The following CLEC2A variants were observed in gnomAD, a reference collection of about 807,000 sequenced individuals.
CLEC2A encodes keratinocyte-associated C-type lectin.
Under a neutral mutation model 18.6 loss-of-function variants are expected in CLEC2A, and 19 were observed. The observed-to-expected ratio is 1.02, with a 90% CI of 0.71 to 1.50. The LOEUF (loss-of-function observed/expected upper bound fraction) is 1.50. CLEC2A is among the 40% of genes most tolerant of loss of function. CLEC2A has a pLI of 0.00. For missense variants in CLEC2A, 190 were observed against 207.9 expected (o/e 0.91, Z 0.53); for synonymous variants, 74 against 64.0 (o/e 1.16, Z -0.75).
chr12:9,899,706 C>T (rs1048843470), intron 4 of CLEC2A, among the ~76,000 whole-genome samples: 2 of 152,190 alleles, frequency 1.3e-5, no homozygotes, highest in African/African-American at 4.8e-5. Context: ...ATGTCTCTTT[C>T]CCACCTACTG....
At chr12:9,889,577 T>C in the CLEC2A span, among the ~76,000 whole-genome samples, 4,360 of 152,126 alleles carry the variant, frequency 0.029, 97 homozygotes, top group Middle Eastern at 0.054. Context: ...ATTCTGTGCG[T>C]TTTGGACTTG....
chr12:9,881,234 TTA>T, the CLEC2A span, among the ~76,000 whole-genome samples: 1 of 144,938 alleles, frequency 6.9e-6, no homozygotes, highest in African/African-American at 2.9e-5. Context: ...TTGTTTTATT[TTA>T]TTTTTTCTCT....
chr12:9,921,826 A>G (rs1163744046), intron 3 of CLEC2A, among the ~76,000 whole-genome samples: 1 of 152,186 alleles, frequency 6.6e-6, no homozygotes, highest in African/African-American at 2.4e-5. Context: ...AAGACATCGT[A>G]AAAGTCTTCA....
intron 2 of CLEC2A, among the ~76,000 whole-genome samples, chr12:9,924,546 A>C (rs1863234372): frequency 6.6e-6 from 1 of 151,792 alleles, no homozygotes; most frequent in African/African-American, 2.4e-5. Context: ...ATGCATATGG[A>C]AAATCAAGTG....
intron 3 of CLEC2A, among the ~76,000 whole-genome samples, chr12:9,917,230 A>G (rs1863087370): frequency 6.6e-6 from 1 of 152,096 alleles, no homozygotes; most frequent in Non-Finnish European, 1.5e-5. Context: ...TTTAACTTTT[A>G]TTTTAGGTTC....
chr12:9,899,542 A>G (rs1862797041), intron 4 of CLEC2A, among the ~76,000 whole-genome samples: 1 of 152,210 alleles, frequency 6.6e-6, no homozygotes, highest in South Asian at 2.1e-4. Flanking sequence ...TACCCAGGGT[A>G]TGTGAGGGAG....
intron 1 of CLEC2A, among the ~76,000 whole-genome samples, chr12:9,931,650 G>C (rs1254309086): frequency 6.6e-6 from 1 of 152,190 alleles, no homozygotes; most frequent in Non-Finnish European, 1.5e-5. Flanking sequence ...TTCAGCTGGA[G>C]TCCTTAACTC....
the CLEC2A span, among the ~76,000 whole-genome samples, chr12:9,882,945 T>A: frequency 6.6e-6 from 1 of 152,232 alleles, no homozygotes; most frequent in Non-Finnish European, 1.5e-5. Flanking sequence ...TACTATTTTT[T>A]AATCTATAAA....
At chr12:9,888,707 A>AT in the CLEC2A span, 1 of 1,351,506 alleles carries the variant, frequency 7.4e-7, no homozygotes, top group Non-Finnish European at 1.0e-6. Flanking sequence ...AATGTTTCTC[A>AT]TATCTTTTCT....
intron 4 of CLEC2A, among the ~76,000 whole-genome samples, chr12:9,907,974 T>C (rs1346781006): frequency 6.6e-6 from 1 of 152,198 alleles, no homozygotes; most frequent in Non-Finnish European, 1.5e-5. Flanking sequence ...GACTAATTGG[T>C]TGACAGCTCT....
chr12:9,915,943 T>C (rs1288000680), intron 4 of CLEC2A, among the ~76,000 whole-genome samples: 1 of 150,790 alleles, frequency 6.6e-6, no homozygotes, highest in Non-Finnish European at 1.5e-5. Flanking sequence ...ATTTGTCCTG[T>C]CTTGCATATT....
intron 1 of CLEC2A, among the ~76,000 whole-genome samples, chr12:9,928,859 A>T (rs1489815653): frequency 1.3e-5 from 2 of 152,216 alleles, no homozygotes; most frequent in Admixed American, 1.3e-4. Context: ...TGTTAGCAGG[A>T]TATAGGGGAA....
At chr12:9,920,050 A>G (rs574465839) in intron 3 of CLEC2A, among the ~76,000 whole-genome samples, 8 of 152,232 alleles carry the variant, frequency 5.3e-5, no homozygotes, top group African/African-American at 1.9e-4. Flanking sequence ...TAAGTCACCC[A>G]AACAGCAAAG....
At chr12:9,881,614 T>C in the CLEC2A span, 1 of 1,534,892 alleles carries the variant, frequency 6.5e-7, no homozygotes, top group Non-Finnish European at 8.7e-7. Flanking sequence ...TGAAGATGGG[T>C]ATATGACGCT....
chr12:9,912,932 C>T (rs1308804268), downstream of CLEC2A, among the ~76,000 whole-genome samples: 1 of 152,208 alleles, frequency 6.6e-6, no homozygotes, highest in Non-Finnish European at 1.5e-5. Flanking sequence ...TTTATACTCA[C>T]ATTCCTACTT....
At chr12:9,931,864 T>C (rs1327193284) in intron 1 of CLEC2A, among the ~76,000 whole-genome samples, 2 of 152,252 alleles carry the variant, frequency 1.3e-5, no homozygotes, top group African/African-American at 4.8e-5. Flanking sequence ...ACAAACTTCA[T>C]TGTTGGCCTT....
intron 4 of CLEC2A, among the ~76,000 whole-genome samples, chr12:9,908,151 A>G (rs1404281934): frequency 3.3e-5 from 5 of 152,290 alleles, no homozygotes; most frequent in East Asian, 3.9e-4. Context: ...TTTTCTTCTT[A>G]CTACCTCCCC....
At chr12:9,903,457 G>T (rs1862864235) in intron 4 of CLEC2A, among the ~76,000 whole-genome samples, 1 of 152,178 alleles carries the variant, frequency 6.6e-6, no homozygotes, top group Non-Finnish European at 1.5e-5. Flanking sequence ...TTAGTGAAGG[G>T]ATCATTTATT....
At chr12:9,926,142 A>G in intron 2 of CLEC2A, 118 bp downstream of exon 2, 2 of 565,164 alleles carry the variant, frequency 3.5e-6, no homozygotes, top group South Asian at 5.6e-5. Context: ...TTTGAGGACA[A>G]GTGTCTATAA....
Sources: allele counts gnomAD v4.1 joint callset (sites outside exome capture counted in the v4.1 genomes callset), GRCh38; gene constraint gnomAD v4.1.1; transcripts MANE v1.5; gene names NCBI Gene and HGNC (gene_info 2026-07-23, HGNC 2026-07-21).